Variants in HCRTR1 observed in about 807,000 individuals in gnomAD.
HCRTR1 encodes the protein orexin/Hypocretin receptor type 1.
HCRTR1 carries 28 observed loss-of-function variants against 40.6 expected under a neutral mutation model. The ratio of observed to expected loss-of-function variants is 0.69; its 90% CI spans 0.51 to 0.95. The LOEUF is 0.95. Among genes scored for constraint, HCRTR1 ranks in the 40% least tolerant of loss-of-function variants. The pLI is 0.00. For synonymous variants in HCRTR1, 209 were observed against 230.0 expected, an observed-to-expected ratio of 0.91 and a Z score of 0.83; for missense variants, 482 against 564.7, an observed-to-expected ratio of 0.85 and a Z score of 1.48.
intron 1 of HCRTR1, among the ~76,000 whole-genome samples, chr1:31,618,380 C>T (rs528165482): frequency 6.6e-6 from 1 of 152,154 alleles, no homozygotes; most frequent in Non-Finnish European, 1.5e-5. Context: ...CCTGGATGCT[C>T]CCCTTGCTCG....
At chr1:31,632,024 C>G (rs1429009835), downstream of HCRTR1, among the ~76,000 whole-genome samples, 1 of 152,230 alleles carries the variant, frequency 6.6e-6, no homozygotes, top group Non-Finnish European at 1.5e-5. Flanking sequence ...CTCAGGTCAT[C>G]TTCCCCAACT....
rs754484614 is a variant in HCRTR1, at chr1:31,626,935, C to T, written c.1233C>T (p.Ile411=). Residue 411 remains isoleucine, a synonymous_variant, in exon 9 of 9, where the codon ATC becomes ATT. Transcript: ENST00000403528. The surrounding 1 kb of genome is among the most constrained non-coding windows in gnomAD (Gnocchi z 4.6). Reference sequence around the variant, plus strand: ...AGAGCCGATGCTCCATCTCCAAAATCTCTGAGCATGTGGTGCTCACCAGCG... The same window carrying T: ...AGAGCCGATGCTCCATCTCCAAAATTTCTGAGCATGTGGTGCTCACCAGCG... The part of the protein sequence containing the change: ...SLQSRCSISK[I]SEHVVLTSVT... The T allele has an allele frequency of 2.6e-5, 42 of 1,613,534 alleles. No homozygotes were observed. Among genetic ancestry groups the T allele is most frequent in the Non-Finnish European group, 3.5e-5 (41 of 1,180,034 alleles).
chr1:31,623,264 C>T (rs182984452), intron 6 of HCRTR1, among the ~76,000 whole-genome samples: 2 of 148,102 alleles, frequency 1.4e-5, no homozygotes, highest in Non-Finnish European at 3.0e-5. Context: ...CCATTGCACT[C>T]CAGCTTAGGT....
rs1024677388 is a variant in HCRTR1, at chr1:31,625,326, A to T, written c.1087+208A>T. Among the ~76,000 whole-genome samples the T allele has an allele frequency of 6.6e-6, 1 of 152,116 alleles. No individual in the cohort carries two copies. Among genetic ancestry groups the T allele is most frequent in the Non-Finnish European group, 1.5e-5 (1 of 67,992 alleles). ...ACACTCCCTACAGTGGCTGGCACCC[A>T]GGATCCAGTTTTGCAGATTCTGCAG... On this transcript the variant is annotated intron_variant, in intron 8 of 8. Transcript: ENST00000403528. The surrounding 1 kb of genome is among the most constrained non-coding windows in gnomAD (Gnocchi z 4.2).
downstream of HCRTR1, among the ~76,000 whole-genome samples, chr1:31,632,123 G>C (rs1557584023): frequency 6.6e-6 from 1 of 152,230 alleles, no homozygotes; most frequent in South Asian, 2.1e-4. Flanking sequence ...TCTGAGCCCT[G>C]TTCAGGGCTC....
chr1:31,623,702 C>G lies in HCRTR1; in HGVS notation c.918C>G (p.Val306=), dbSNP rs1356018410. ...AGATGCTGATGGTGGTGCTGCTGGT[C>G]TTCGCCCTCTGCTACCTGCCCATCA... ...TAKMLMVVLL[V]FALCYLPISV... Residue 306 remains valine, a synonymous_variant, in exon 7 of 9, where the codon GTC becomes GTG. Coordinates refer to ENST00000403528, the MANE Select transcript of HCRTR1 (RefSeq NM_001525.3). The G allele has an allele frequency of 6.2e-7, 1 of 1,614,042 alleles. No individual in the cohort carries two copies. The highest frequency in any genetic ancestry group is 8.5e-7 in the Non-Finnish European group (1 of 1,180,038).
chr1:31,624,881 C>A, intron 7 of HCRTR1, 116 bp from the exon 8 acceptor site: 2 of 1,142,944 alleles, frequency 1.7e-6, no homozygotes, highest in Non-Finnish European at 2.4e-6. Context: ...GAAACGTGGA[C>A]AGAAGTGGGC....
Position 31,627,245 on chromosome 1 carries a change from C to T in HCRTR1, c.*265C>T. 6 of 1,467,850 alleles carry T rather than the reference C, an allele frequency of 4.1e-6. No individual in the cohort carries two copies. Among genetic ancestry groups the T allele is most frequent in the South Asian group, 1.2e-5 (1 of 82,210 alleles). The allele number at this position is 1,467,850 out of a possible 1,614,324, so 90.9% of individuals were successfully genotyped here. A position where few individuals can be genotyped will look rare whatever the true frequency, so the allele number is the denominator to read the frequency against. On this transcript the variant is annotated 3_prime_UTR_variant, in exon 9 of 9. Coordinates refer to ENST00000403528, the MANE Select transcript of HCRTR1 (RefSeq NM_001525.3). ...TTGTACTTCTCTCATTTGGCCATAC[C>T]CCACAGTATAATCTGTCCCCATCCT...
chr1:31,623,712 T>C lies in HCRTR1; in HGVS notation c.928T>C (p.Cys310Arg). ...LMVVLLVFAL[C>R]YLPISVLNVL... is the part of the protein sequence containing the mutation. Reference sequence around the variant, plus strand: ...GGTGGTGCTGCTGGTCTTCGCCCTCTGCTACCTGCCCATCAGCGTCCTCAA... The same window carrying C: ...GGTGGTGCTGCTGGTCTTCGCCCTCCGCTACCTGCCCATCAGCGTCCTCAA... Residue 310 changes from cysteine to arginine, a missense_variant, in exon 7 of 9, where the codon TGC (cysteine) becomes CGC (arginine). Physicochemically the swap from Cys to Arg is radical, Grantham distance 180 (BLOSUM62 -3). Coordinates refer to ENST00000403528, the MANE Select transcript of HCRTR1 (RefSeq NM_001525.3). 6.2e-7 allele frequency: 1 copy of C among 1,614,180 alleles called. No homozygotes were observed. Among genetic ancestry groups the C allele is most frequent in the Non-Finnish European group, 8.5e-7 (1 of 1,180,024 alleles).
chr1:31,625,014 G>A lies in HCRTR1; in HGVS notation c.983G>A (p.Arg328His), dbSNP rs200961371. 121 of 1,606,792 alleles carry A rather than the reference G, an allele frequency of 7.5e-5. 1 individual carries two copies. Among genetic ancestry groups the A allele is most frequent in the Middle Eastern group, 3.3e-4 (2 of 6,060 alleles). ...NVLKRVFGMF[R>H]QASDREAVYA... ...GGGCCTAGGGTGTTCGGGATGTTCC[G>A]CCAAGCCAGTGACCGCGAAGCTGTC... Residue 328 changes from arginine to histidine, a missense_variant, in exon 8 of 9, where the codon CGC becomes CAC. Physicochemically the swap from Arg to His is conservative, Grantham distance 29. Coordinates refer to ENST00000403528, the MANE Select transcript of HCRTR1 (RefSeq NM_001525.3). This position sits in a 1 kb window ranked among gnomAD's most constrained non-coding sequence, Gnocchi z 4.2.
chr1:31,632,606 C>T (rs759567297), downstream of HCRTR1: 83 of 1,614,044 alleles, frequency 5.1e-5, no homozygotes, highest in Admixed American at 8.3e-5. Context: ...CCGTAGACAT[C>T]GATGCGGCCT....
At position 31,626,115 on chromosome 1, in the gene HCRTR1, C is replaced by T. The variant is rs1309534122; in HGVS notation, c.1088-675C>T. 6.6e-6 allele frequency among the ~76,000 whole-genome samples: 1 copy of T among 152,072 alleles called. No individual in the cohort carries two copies. The highest frequency in any genetic ancestry group is 1.5e-5 in the Non-Finnish European group (1 of 68,032). On this transcript the variant is annotated intron_variant, in intron 8 of 8. Transcript: ENST00000403528. This position sits in a 1 kb window ranked among gnomAD's most constrained non-coding sequence, Gnocchi z 4.6. ...ACCAGAGAGGCTGGCAGCCTAATGA[C>T]ACATGATCAAAGGGGCTTCAGCCTG...
At chr1:31,630,722 T>G (rs1227258375), downstream of HCRTR1, 1 of 1,614,046 alleles carries the variant, frequency 6.2e-7, no homozygotes, top group African/African-American at 1.3e-5. Context: ...CACCTGCAGC[T>G]GGGTGCACAC....
At chr1:31,630,131 G>A (rs186156215), downstream of HCRTR1, 64 of 188,962 alleles carry the variant, frequency 3.4e-4, no homozygotes, top group African/African-American at 1.4e-3. Context: ...TTATGGGTGT[G>A]GCAGAATCCA....
rs1570259980 is a variant in HCRTR1, at chr1:31,627,503, C to T, written c.*523C>T. ...ACCCTAACCAGGTGCCAAGGGCACA[C>T]ACCACAGACCCGACCTTGTTGGCTT... On this transcript the variant is annotated 3_prime_UTR_variant, in exon 9 of 9. Transcript: ENST00000403528. The T allele has an allele frequency of 1.8e-5, 9 of 488,906 alleles. No homozygotes were observed. The highest frequency in any genetic ancestry group is 3.2e-5 in the Non-Finnish European group (9 of 280,144). 30.3% of individuals were successfully genotyped at this position (488,906 alleles called of 1,614,324 possible).
chr1:31,618,380 C>A (rs528165482), intron 1 of HCRTR1, among the ~76,000 whole-genome samples: 1 of 152,272 alleles, frequency 6.6e-6, no homozygotes, highest in South Asian at 2.1e-4. Flanking sequence ...CCTGGATGCT[C>A]CCCTTGCTCG....
chr1:31,627,462 C>T lies in HCRTR1; in HGVS notation c.*482C>T, dbSNP rs1351318858. 9 of 861,346 alleles carry T rather than the reference C, an allele frequency of 1.0e-5. No individual in the cohort carries two copies. Among genetic ancestry groups the T allele is most frequent in the Non-Finnish European group, 1.2e-5 (7 of 598,656 alleles). The allele number at this position is 861,346 out of a possible 1,614,324, so 53.4% of individuals were successfully genotyped here. A position where few individuals can be genotyped will look rare whatever the true frequency, so the allele number is the denominator to read the frequency against. On this transcript the variant is annotated 3_prime_UTR_variant, in exon 9 of 9. Transcript: ENST00000403528. ...CTGGGCCCAGCCTTTCTCCAGCGGG[C>T]CACGAGCACAGCCCCACCCTAACCA... is the stretch of plus-strand genomic sequence containing the variant.
At chr1:31,623,302 AAAAAAAAAAAG>A (rs1639899544) in intron 6 of HCRTR1, among the ~76,000 whole-genome samples, 1 of 151,774 alleles carries the variant, frequency 6.6e-6, no homozygotes, top group Non-Finnish European at 1.5e-5. Context: ...ATCTCAAAAA[AAAAAAAAAAAG>A]AAAAGAAAAG....
In HCRTR1 at chr1:31,618,820, T is replaced by C. The variant is rs903152819; in HGVS notation, c.-143+4T>C. 5 of 281,096 alleles carry C rather than the reference T, an allele frequency of 1.8e-5. No homozygotes were observed. Among genetic ancestry groups the C allele is most frequent in the African/African-American group, 6.6e-5 (3 of 45,530 alleles). The allele number at this position is 281,096 out of a possible 1,614,324, so 17.4% of individuals were successfully genotyped here. On this transcript the variant is annotated splice_donor_region_variant and intron_variant, in intron 2 of 8. Coordinates refer to ENST00000403528, the MANE Select transcript of HCRTR1 (RefSeq NM_001525.3). Reference sequence around the variant, plus strand: ...CTCCTCATCGTGGTCCTGTAAGGTATGTAGGGCTGTCACCCCATTAGACAG... The same window carrying C: ...CTCCTCATCGTGGTCCTGTAAGGTACGTAGGGCTGTCACCCCATTAGACAG...
Sources: gnomAD v4.1 joint callset for allele counts (sites outside exome capture counted in the v4.1 genomes callset) on GRCh38, gnomAD v4.1.1 for gene constraint, Gnocchi (gnomAD v3.1) non-coding constraint, MANE v1.5 for transcripts, NCBI Gene and HGNC (gene_info 2026-07-23, HGNC 2026-07-21) for gene names.